Variants in PLA2R1 observed in about 807,000 individuals in gnomAD.
The protein encoded by PLA2R1 is phospholipase A2 receptor 1.
PLA2R1 carries 158 observed loss-of-function variants against 195.9 expected under a neutral mutation model. The ratio of observed to expected loss-of-function variants is 0.81; its 90% confidence interval spans 0.71 to 0.92. The LOEUF (loss-of-function observed/expected upper bound fraction) is 0.92, where lower values mean the gene tolerates loss of function less well. Among genes scored for constraint, PLA2R1 ranks in the 40% least tolerant of loss-of-function variants. PLA2R1 has a pLI of 0.00. For synonymous variants in PLA2R1, 586 were observed against 598.2 expected, an observed-to-expected ratio of 0.98 and a Z score of 0.30; for missense variants, 1,626 against 1,764.6, an observed-to-expected ratio of 0.92 and a Z score of 1.41.
At chr2:160,002,961 G>A (rs1049222529) in intron 11 of PLA2R1, among the ~76,000 whole-genome samples, 3 of 151,940 alleles carry the variant, frequency 2.0e-5, no homozygotes, top group African/African-American at 7.2e-5. Context: ...TTGTATTACT[G>A]CTCTCTTTTC....
At position 159,942,140 on chromosome 2, in the gene PLA2R1, C is replaced by T. The variant is rs775874050; in HGVS notation, c.4164G>A (p.Ala1388=). 1.6e-5 allele frequency: 25 copies of T among 1,610,788 alleles called. No homozygotes were observed. The highest frequency in any genetic ancestry group is 2.0e-5 in the Non-Finnish European group (24 of 1,177,702). The stretch of plus-strand genomic sequence containing the variant: ...TTTCAAACGTACCTTTTTCTGGCAG[C>T]GCCTCTGCAGTGTGAATATCTAAAA... ...KMEADIHTAE[A]LPEKGPSHSI... Residue 1388 remains alanine (A), a synonymous_variant, in exon 29 of 30, where the codon GCG becomes GCA. Transcript: ENST00000283243.
At chr2:160,015,016 A>C (rs1692634284) in intron 9 of PLA2R1, among the ~76,000 whole-genome samples, 1 of 152,220 alleles carries the variant, frequency 6.6e-6, no homozygotes. Context: ...AAAATCCAAT[A>C]ACTGAACCAG....
At chr2:159,924,746 GA>G in the PLA2R1 span, among the ~76,000 whole-genome samples, 4 of 150,148 alleles carry the variant, frequency 2.7e-5, no homozygotes, top group Non-Finnish European at 5.9e-5. Context: ...GGGGCGGTGC[GA>G]ACAAAAATAA....
chr2:160,010,586 G>A (rs1320616672), intron 10 of PLA2R1, among the ~76,000 whole-genome samples: 2 of 152,186 alleles, frequency 1.3e-5, no homozygotes, highest in Admixed American at 1.3e-4. Flanking sequence ...AGAGTGACAG[G>A]AGTGTCTTAA....
chr2:160,042,326 G>A (rs561803960), intron 2 of PLA2R1, 128 bp from the exon 3 acceptor site: 1 of 676,784 alleles, frequency 1.5e-6, no homozygotes, highest in South Asian at 1.9e-5. Flanking sequence ...ACAGCAGAGT[G>A]AGCCCTCAGG....
rs1686916412 is a variant in PLA2R1, at chr2:159,938,065, A to G, written c.*3713T>C. On this transcript the variant is annotated 3_prime_UTR_variant, in exon 30 of 30. Coordinates refer to ENST00000283243, the MANE Select transcript of PLA2R1 (RefSeq NM_007366.5). ...TCAGGTAAATCAGTTTTAAGAAAAA[A>G]TATACATGAAGATTCTGGAAATTAA... 6.6e-6 allele frequency: 1 copy of G among 152,234 alleles called. No individual in the cohort carries two copies. The highest frequency in any genetic ancestry group is 2.1e-4 in the South Asian group (1 of 4,834). The allele number at this position is 152,234 out of a possible 1,614,324, so 9.4% of individuals were successfully genotyped here.
intron 27 of PLA2R1, chr2:159,945,786 T>G (rs1687348910): frequency 1.0e-6 from 1 of 983,236 alleles, no homozygotes; most frequent in Non-Finnish European, 1.2e-6. Context: ...AATACAGTGA[T>G]GTACTCAACA....
intron 2 of PLA2R1, among the ~76,000 whole-genome samples, chr2:160,042,788 GGTGTGTGTGTGCGTGTGTGTGTGTGT>G (rs1379830755): frequency 3.0e-5 from 4 of 135,304 alleles, no homozygotes; most frequent in African/African-American, 5.6e-5. Flanking sequence ...GACAGAGTGG[GGTGTGTGTGTGCGTGTGTGTGTGTGT>G]GTGTGTGTGT....
rs1688098843 is a variant in PLA2R1 at position 159,956,544 on chromosome 2, C to T, written c.2988G>A (p.Gly996=). 2 of 1,611,796 alleles carry T rather than the reference C, an allele frequency of 1.2e-6. No homozygotes were observed. Among genetic ancestry groups the T allele is most frequent in the South Asian group, 1.1e-5 (1 of 91,014 alleles). The part of the protein sequence containing the change: ...HAQHFCAEEG[G]TLVAIESEVE... ...CCTCACTTTCAATGGCGACCAGGGT[C>T]CCCCCTTCTTCAGCACAGAAATGTT... The change falls in exon 21 of 30, where the codon GGG becomes GGA. Residue 996 remains glycine, a synonymous_variant. Coordinates refer to ENST00000283243, the MANE Select transcript of PLA2R1 (RefSeq NM_007366.5).
intron 24 of PLA2R1, among the ~76,000 whole-genome samples, chr2:159,950,890 G>A (rs1687694641): frequency 6.6e-6 from 1 of 152,148 alleles, no homozygotes; most frequent in South Asian, 2.1e-4. Flanking sequence ...CATCCCTAGA[G>A]GAAAATAAAA....
intron 1 of PLA2R1, among the ~76,000 whole-genome samples, chr2:160,057,035 A>T (rs1695597349): frequency 6.6e-6 from 1 of 152,054 alleles, no homozygotes; most frequent in African/African-American, 2.4e-5. Flanking sequence ...TGCCTCTACC[A>T]TGGCCAATTA....
chr2:160,045,476 TAG>T (rs1156394543), intron 1 of PLA2R1, among the ~76,000 whole-genome samples: 4 of 152,116 alleles, frequency 2.6e-5, no homozygotes, highest in Non-Finnish European at 4.4e-5. Context: ...CACAATTGGT[TAG>T]AGAGAGGGAT....
chr2:159,942,043 G>GT (rs754050355), intron 29 of PLA2R1, 51 bp from the exon 30 acceptor site: 14 of 1,554,850 alleles, frequency 9.0e-6, no homozygotes, highest in Non-Finnish European at 1.2e-5. Context: ...TGGCGATGAA[G>GT]TAATATAGAT....
At chr2:159,929,057 T>C (rs1234115135), downstream of PLA2R1, among the ~76,000 whole-genome samples, 3 of 152,128 alleles carry the variant, frequency 2.0e-5, no homozygotes, top group Non-Finnish European at 4.4e-5. Flanking sequence ...TTCTAGAAGA[T>C]AACATTGGAA....
chr2:160,059,534 C>A (rs541961870), intron 1 of PLA2R1, among the ~76,000 whole-genome samples: 1 of 152,122 alleles, frequency 6.6e-6, no homozygotes, highest in African/African-American at 2.4e-5. Flanking sequence ...CAGGGTCACA[C>A]GGATGGTAAA....
chr2:159,993,475 C>CACA (rs975462396), intron 11 of PLA2R1, among the ~76,000 whole-genome samples: 8 of 151,764 alleles, frequency 5.3e-5, no homozygotes, highest in Admixed American at 3.9e-4. Context: ...CACACACACA[C>CACA]ACTTCCTAGA....
At chr2:160,060,465 G>A (rs1695877246) in intron 1 of PLA2R1, among the ~76,000 whole-genome samples, 1 of 152,208 alleles carries the variant, frequency 6.6e-6, no homozygotes. Context: ...TCATGCAGGT[G>A]ACTGGAGTCA....
At chr2:159,978,261 G>A (rs1345142347) in intron 14 of PLA2R1, among the ~76,000 whole-genome samples, 2 of 152,120 alleles carry the variant, frequency 1.3e-5, no homozygotes, top group Non-Finnish European at 2.9e-5. Flanking sequence ...GGGTATTAAA[G>A]AATCAACCTT....
Position 159,976,198 on chromosome 2 carries a change from G to A in PLA2R1, c.2465C>T (p.Ala822Val). 1 of 1,609,022 alleles carries A rather than the reference G, an allele frequency of 6.2e-7. No homozygotes were observed. The highest frequency in any genetic ancestry group is 8.5e-7 in the Non-Finnish European group (1 of 1,176,856). ...YDVPWLFYQD[A>V]EYLFHTFASE... is the part of the protein sequence containing the mutation. ...GGCAAAGGTATGAAAAAGGTATTCT[G>A]CATCCTGATAAAAGAGCCAGGGTAC... The change falls in exon 17 of 30, where the codon GCA becomes GTA. Residue 822 changes from alanine to valine, a missense_variant. Transcript: ENST00000283243.
Sources: gnomAD v4.1 joint callset for allele counts (sites outside exome capture counted in the v4.1 genomes callset) on GRCh38, gnomAD v4.1.1 for gene constraint, MANE v1.5 for transcripts, NCBI Gene and HGNC (gene_info 2026-07-23, HGNC 2026-07-21) for gene names.